The following RBFOX3 variants were observed in gnomAD, a reference collection of about 807,000 sequenced individuals.
RBFOX3 encodes RNA binding fox-1 homolog 3.
In RBFOX3, 17 loss-of-function variants were observed where a neutral mutation model predicts 48.7. That is an observed-to-expected ratio of 0.35 (90% CI 0.24 to 0.52). The LOEUF is 0.52. RBFOX3 is among the 20% of genes least tolerant of loss of function. The pLI is 0.94. For synonymous variants in RBFOX3, 212 were observed against 209.5 expected (o/e 1.01, Z -0.10); for missense variants, 382 against 497.5 (o/e 0.77, Z 2.21).
In RBFOX3 at chr17:79,414,867, C is replaced by T. The variant is rs1270046599; in HGVS notation, c.-175+67587G>A. Among the ~76,000 whole-genome samples the T allele has an allele frequency of 3.3e-5, 5 of 152,236 alleles. No individual in the cohort carries two copies. The East Asian group carries it at 9.6e-4, about 29-fold the overall frequency. On this transcript the variant is annotated intron_variant, in intron 2 of 14. Coordinates refer to ENST00000693108, the MANE Select transcript of RBFOX3 (RefSeq NM_001350451.2). The stretch of plus-strand genomic sequence containing the variant: ...TCGGGAGGAACCATGCAGCAACCCC[C>T]TGGCAGTGGGTCTGGGACAGAGCCC...
At chr17:79,407,164 T>C (rs2063658058) in intron 2 of RBFOX3, among the ~76,000 whole-genome samples, 1 of 152,216 alleles carries the variant, frequency 6.6e-6, no homozygotes, top group South Asian at 2.1e-4. Context: ...CCCGCCGCCA[T>C]GCCCGGCAAT....
In RBFOX3 at chr17:79,429,318, A is replaced by T. The variant is rs545742342; in HGVS notation, c.-175+53136T>A. The stretch of plus-strand genomic sequence containing the variant: ...CACCCTGAGGGGCCCTGGGATGGTC[A>T]TGAGTCCCATCCTTGCCCATATGGG... On this transcript the variant is annotated intron_variant, in intron 2 of 14. Transcript: ENST00000693108. 5.5e-3 allele frequency among the ~76,000 whole-genome samples: 834 copies of T among 152,334 alleles called. 2 individuals carry two copies. Among genetic ancestry groups the T allele is most frequent in the Non-Finnish European group, 8.9e-3 (603 of 68,014 alleles).
intron 1 of RBFOX3, among the ~76,000 whole-genome samples, chr17:79,608,614 G>T (rs1335284186): frequency 5.3e-5 from 8 of 152,216 alleles, no homozygotes; most frequent in Non-Finnish European, 1.5e-5. Flanking sequence ...AGGCTGTCTC[G>T]GCTTGGGTGC....
At chr17:79,290,808 C>T (rs983141204) in intron 3 of RBFOX3, among the ~76,000 whole-genome samples, 2 of 152,176 alleles carry the variant, frequency 1.3e-5, no homozygotes, top group African/African-American at 4.8e-5. Context: ...AGAGGCTCTA[C>T]CTTACACACA....
At chr17:79,207,879 C>T (rs940846956) in intron 4 of RBFOX3, among the ~76,000 whole-genome samples, 3 of 152,202 alleles carry the variant, frequency 2.0e-5, no homozygotes, top group African/African-American at 7.2e-5. Flanking sequence ...CAGTCTTGCC[C>T]CCAAAAGGAG....
chr17:79,539,523 T>C (rs1315126688), intron 1 of RBFOX3, among the ~76,000 whole-genome samples: 2 of 152,178 alleles, frequency 1.3e-5, no homozygotes, highest in Non-Finnish European at 2.9e-5. Context: ...GTTGGGGTTT[T>C]CTCCAGGAAA....
intron 4 of RBFOX3, among the ~76,000 whole-genome samples, chr17:79,138,941 ACC>A (rs35354104): frequency 2.4e-5 from 2 of 84,858 alleles, no homozygotes; most frequent in African/African-American, 1.1e-4. Flanking sequence ...ATGCATTCAC[ACC>A]CCCCTCAGCC....
intron 2 of RBFOX3, among the ~76,000 whole-genome samples, chr17:79,337,134 G>A: frequency 1.3e-5 from 2 of 151,838 alleles, no homozygotes; most frequent in African/African-American, 4.8e-5. Context: ...TAAAAAAGGT[G>A]AGTGCTCTTA....
intron 1 of RBFOX3, among the ~76,000 whole-genome samples, chr17:79,506,264 G>T (rs2083101330): frequency 6.6e-6 from 1 of 152,204 alleles, no homozygotes; most frequent in African/African-American, 2.4e-5. Flanking sequence ...GTCCAGAAGG[G>T]GTGGGGAGGG....
At chr17:79,454,021 C>T (rs1488510234) in intron 2 of RBFOX3, among the ~76,000 whole-genome samples, 3 of 152,096 alleles carry the variant, frequency 2.0e-5, no homozygotes, top group African/African-American at 4.8e-5. Context: ...TCTTTGGTGA[C>T]GTCCTGTGTA....
rs1470391192 is a variant in RBFOX3, at chr17:79,242,465, A to G, written c.-73-6660T>C. ...AACCTGGCTTGTGATGACGGTGATCAGAGCAGGAGAGCCACATCTATTTAA... is the reference window on the plus strand; with the variant it reads ...AACCTGGCTTGTGATGACGGTGATCGGAGCAGGAGAGCCACATCTATTTAA... On this transcript the variant is annotated intron_variant, in intron 3 of 14. Coordinates refer to ENST00000693108, the MANE Select transcript of RBFOX3 (RefSeq NM_001350451.2). The surrounding 1 kb of genome is among the most constrained non-coding windows in gnomAD (Gnocchi z 5.8). Among the ~76,000 whole-genome samples, 1 of 152,170 alleles carries G rather than the reference A, an allele frequency of 6.6e-6. No homozygotes were observed. Among genetic ancestry groups the G allele is most frequent in the Non-Finnish European group, 1.5e-5 (1 of 68,038 alleles).
At chr17:79,153,756 C>T (rs2045131910) in intron 4 of RBFOX3, among the ~76,000 whole-genome samples, 1 of 152,224 alleles carries the variant, frequency 6.6e-6, no homozygotes, top group Non-Finnish European at 1.5e-5. Context: ...TTCCCACCTC[C>T]TCCTCCCACC....
At chr17:79,161,819 T>C (rs560037446) in intron 4 of RBFOX3, among the ~76,000 whole-genome samples, 1 of 152,260 alleles carries the variant, frequency 6.6e-6, no homozygotes, top group South Asian at 2.1e-4. Flanking sequence ...GGTCTCAAAC[T>C]CCTGACCTCT....
At chr17:79,487,843 C>T (rs1442633327) in intron 1 of RBFOX3, among the ~76,000 whole-genome samples, 1 of 137,640 alleles carries the variant, frequency 7.3e-6, no homozygotes, top group Non-Finnish European at 1.5e-5. Context: ...ACCCAGGAGG[C>T]GGAGCTTGCA....
chr17:79,300,974 C>G (rs1266812678), intron 3 of RBFOX3, among the ~76,000 whole-genome samples: 1 of 152,196 alleles, frequency 6.6e-6, no homozygotes, highest in Admixed American at 6.5e-5. Flanking sequence ...TGACGCAGGG[C>G]CCTGACTCCG....
At chr17:79,404,841 C>T (rs2063337347) in intron 2 of RBFOX3, among the ~76,000 whole-genome samples, 2 of 152,228 alleles carry the variant, frequency 1.3e-5, no homozygotes, top group South Asian at 2.1e-4. Context: ...AGGCAATTAA[C>T]TCTTTCCTCT....
Position 79,515,787 on chromosome 17 carries a change from C to T in RBFOX3, c.-319-33189G>A, listed in dbSNP as rs1055742212. On this transcript the variant is annotated intron_variant, in intron 1 of 14. Transcript: ENST00000693108. ...TCGAGGCTCCCGGCTGAGGTTGCAC[C>T]GCTTCAGAGTCCGTCGCCACCCTTC... is the stretch of plus-strand genomic sequence containing the variant. 3.9e-5 allele frequency among the ~76,000 whole-genome samples: 6 copies of T among 152,230 alleles called. No homozygotes were observed. In the East Asian group the frequency reaches 7.7e-4, roughly 20 times the overall value.
intron 4 of RBFOX3, among the ~76,000 whole-genome samples, chr17:79,125,053 C>T (rs984956324): frequency 5.3e-5 from 8 of 152,188 alleles, no homozygotes; most frequent in African/African-American, 7.2e-5. Context: ...CCCTGGTGGT[C>T]CCTCCAACCC....
intron 4 of RBFOX3, among the ~76,000 whole-genome samples, chr17:79,191,943 T>C (rs562411570): frequency 6.6e-6 from 1 of 152,156 alleles, no homozygotes; most frequent in African/African-American, 2.4e-5. Context: ...TGAGCAGAGA[T>C]GGGGCAGTGG....
Sources: gnomAD v4.1 joint callset for allele counts (sites outside exome capture counted in the v4.1 genomes callset) on GRCh38, gnomAD v4.1.1 for gene constraint, Gnocchi (gnomAD v3.1) non-coding constraint, MANE v1.5 for transcripts, NCBI Gene and HGNC (gene_info 2026-07-23, HGNC 2026-07-21) for gene names.